Variants in PHF21A observed in about 807,000 individuals in gnomAD.
PHF21A encodes PHD finger protein 21A, also known as BHC80a.
A neutral mutation model predicts 82.5 loss-of-function variants in PHF21A; 11 were observed. That is an observed-to-expected ratio of 0.13 (90% CI 0.08 to 0.22). The LOEUF is 0.22. Ranked by LOEUF, PHF21A falls within the 10% of genes least tolerant of loss-of-function variation. The probability of loss-of-function intolerance (pLI) is 1.00; values close to 1 mark genes in which losing one functional copy is unlikely to be tolerated. For missense variants in PHF21A, 579 were observed against 837.8 expected (o/e 0.69, Z 3.81); for synonymous variants, 297 against 302.8 (o/e 0.98, Z 0.20).
At chr11:45,999,945 T>C (rs1428787325) in intron 6 of PHF21A, among the ~76,000 whole-genome samples, 1 of 152,208 alleles carries the variant, frequency 6.6e-6, no homozygotes, top group Non-Finnish European at 1.5e-5. Context: ...GTCGCAATAT[T>C]CTGCAAGGCT....
At chr11:46,035,895 G>A (rs1421552453) in intron 6 of PHF21A, among the ~76,000 whole-genome samples, 1 of 152,172 alleles carries the variant, frequency 6.6e-6, no homozygotes, top group East Asian at 1.9e-4. Context: ...TTTGGACTTG[G>A]TCCTAAGAGC....
intron 1 of PHF21A, among the ~76,000 whole-genome samples, chr11:46,105,186 C>G (rs1161997615): frequency 6.6e-6 from 1 of 152,198 alleles, no homozygotes; most frequent in Non-Finnish European, 1.5e-5. Context: ...GATCTGGGCC[C>G]ATGCAAAGTG....
chr11:45,943,674 T>C (rs902719219), intron 15 of PHF21A, among the ~76,000 whole-genome samples: 21 of 152,194 alleles, frequency 1.4e-4, no homozygotes, highest in Non-Finnish European at 2.5e-4. Flanking sequence ...TATCATTAGA[T>C]AACAGTTTGT....
chr11:45,991,263 T>TAGC lies in PHF21A; in HGVS notation c.154-11298_154-11297insGCT, dbSNP rs779307585. Among the ~76,000 whole-genome samples the TAGC allele has an allele frequency of 2.6e-4, 40 of 152,264 alleles. 1 individual carries two copies. The South Asian group carries it at 4.4e-3, about 17-fold the overall frequency. ...ATTGCATTGTCTGAATGTATCACAG[T>TAGC]AGTACCTTGATTTTTTCCATATGGT... is the stretch of plus-strand genomic sequence containing the variant. On this transcript the variant is annotated intron_variant, in intron 6 of 18. Coordinates refer to ENST00000676320, the MANE Select transcript of PHF21A (RefSeq NM_001352027.3).
At chr11:46,018,061 TA>T (rs1184503483) in intron 6 of PHF21A, among the ~76,000 whole-genome samples, 2 of 151,764 alleles carry the variant, frequency 1.3e-5, no homozygotes, top group Non-Finnish European at 2.9e-5. Context: ...CCATCCCGGC[TA>T]AAACGGTGAA....
At chr11:45,994,444 C>T (rs2094831878) in intron 6 of PHF21A, among the ~76,000 whole-genome samples, 1 of 152,184 alleles carries the variant, frequency 6.6e-6, no homozygotes, top group East Asian at 1.9e-4. Context: ...AAACCAGCCT[C>T]CCTGCTTTCA....
rs577959663 is a variant in PHF21A, at chr11:46,074,132, AAAG to A, written c.153+2619_153+2621del. Among the ~76,000 whole-genome samples the A allele has an allele frequency of 6.4e-3, 970 of 152,270 alleles. 9 individuals carry two copies. The highest frequency in any genetic ancestry group is 0.025 in the South Asian group (119 of 4,822). On this transcript the variant is annotated intron_variant, in intron 6 of 18. Transcript: ENST00000676320. ...GGTTTTGTCAGATGCAAAAAAAAAAAAAGTTGTCAGATGCAACTTTTTTTAATA... is the reference window on the plus strand; with the variant it reads ...GGTTTTGTCAGATGCAAAAAAAAAAATTGTCAGATGCAACTTTTTTTAATA...
chr11:46,100,713 A>G (rs985289169), intron 1 of PHF21A, among the ~76,000 whole-genome samples: 6 of 152,172 alleles, frequency 3.9e-5, no homozygotes, highest in Admixed American at 1.3e-4. Flanking sequence ...GAATAATTAC[A>G]CCTGTGGGTC....
intron 11 of PHF21A, among the ~76,000 whole-genome samples, 198 bp from the exon 12 acceptor site, chr11:45,950,455 C>T (rs1234739003): frequency 6.6e-6 from 1 of 151,856 alleles, no homozygotes; most frequent in African/African-American, 2.4e-5. Flanking sequence ...TCAATGTGGG[C>T]CACATTGGAA....
chr11:46,025,322 C>G (rs1033651749), intron 6 of PHF21A, among the ~76,000 whole-genome samples: 8 of 152,180 alleles, frequency 5.3e-5, no homozygotes, highest in Non-Finnish European at 1.0e-4. Context: ...GTCCCTTTCA[C>G]ACAATATGAC....
At chr11:45,969,743 C>T in intron 9 of PHF21A, 72 bp downstream of exon 9, 3 of 998,412 alleles carry the variant, frequency 3.0e-6, no homozygotes, top group Non-Finnish European at 4.8e-6. Context: ...CCATTACAGG[C>T]TACTTAGAAA....
At chr11:46,038,407 T>G (rs1240499952) in intron 6 of PHF21A, among the ~76,000 whole-genome samples, 2 of 152,122 alleles carry the variant, frequency 1.3e-5, no homozygotes, top group Non-Finnish European at 2.9e-5. Flanking sequence ...GAATTACAGG[T>G]GTGTGCCACT....
intron 6 of PHF21A, among the ~76,000 whole-genome samples, chr11:46,036,425 T>G (rs1485449313): frequency 6.6e-6 from 1 of 152,242 alleles, no homozygotes. Context: ...GGGTGAACTT[T>G]AGACTCAATC....
At chr11:45,974,383 A>G (rs1279921536) in intron 7 of PHF21A, among the ~76,000 whole-genome samples, 1 of 151,866 alleles carries the variant, frequency 6.6e-6, no homozygotes. Context: ...GGAAGGAGGA[A>G]GAAGAGACAT....
intron 6 of PHF21A, among the ~76,000 whole-genome samples, chr11:46,010,572 C>T (rs1205430825): frequency 6.6e-6 from 1 of 152,132 alleles, no homozygotes; most frequent in African/African-American, 2.4e-5. Flanking sequence ...TATTTGGCAC[C>T]GGAGTATGCT....
intron 6 of PHF21A, among the ~76,000 whole-genome samples, chr11:46,003,070 C>G (rs969329849): frequency 6.6e-6 from 1 of 152,054 alleles, no homozygotes; most frequent in Non-Finnish European, 1.5e-5. Flanking sequence ...CTCTTCTCCC[C>G]CAAATAGCAC....
intron 6 of PHF21A, among the ~76,000 whole-genome samples, chr11:46,052,411 T>C (rs143098668): frequency 1.1e-3 from 175 of 152,256 alleles, no homozygotes; most frequent in East Asian, 1.7e-3. Flanking sequence ...TTCAACAACA[T>C]TGAATTGAGT....
intron 4 of PHF21A, among the ~76,000 whole-genome samples, chr11:46,080,604 G>A (rs963377901): frequency 2.0e-5 from 3 of 152,152 alleles, no homozygotes; most frequent in Non-Finnish European, 2.9e-5. Flanking sequence ...AATCCACATT[G>A]TAGTTTTCCA....
chr11:45,995,453 A>T (rs921643509), intron 6 of PHF21A, among the ~76,000 whole-genome samples: 2 of 152,234 alleles, frequency 1.3e-5, no homozygotes, highest in African/African-American at 2.4e-5. Context: ...TTTGTGTGAC[A>T]GTTATACTGT....
Sources: gnomAD v4.1 joint callset for allele counts (sites outside exome capture counted in the v4.1 genomes callset) on GRCh38, gnomAD v4.1.1 for gene constraint, MANE v1.5 for transcripts, NCBI Gene and HGNC (gene_info 2026-07-23, HGNC 2026-07-21) for gene names.